The following SCN9A variants were observed in gnomAD, a reference collection of about 807,000 sequenced individuals.
SCN9A encodes the protein sodium channel protein type 9 subunit alpha.
A neutral mutation model predicts 187.0 loss-of-function variants in SCN9A; 131 were observed. The ratio of observed to expected loss-of-function variants is 0.70; its 90% confidence interval spans 0.61 to 0.81. The LOEUF (loss-of-function observed/expected upper bound fraction) is 0.81, where lower values mean the gene tolerates loss of function less well. Among genes scored for constraint, SCN9A ranks in the 30% least tolerant of loss-of-function variants. SCN9A has a pLI of 0.00. For synonymous variants in SCN9A, 809 were observed against 808.6 expected, an observed-to-expected ratio of 1.00 and a Z score of -0.01; for missense variants, 2,252 against 2,396.6, an observed-to-expected ratio of 0.94 and a Z score of 1.26.
intron 1 of SCN9A, among the ~76,000 whole-genome samples, chr2:166,340,951 T>C (rs1183466817): frequency 6.6e-6 from 1 of 152,154 alleles, no homozygotes; most frequent in Non-Finnish European, 1.5e-5. Flanking sequence ...TGTACAAATA[T>C]ATGCCAAGAA....
intron 19 of SCN9A, 33 bp from the exon 20 acceptor site, chr2:166,238,300 A>G: frequency 1.5e-6 from 2 of 1,362,022 alleles, no homozygotes; most frequent in Non-Finnish European, 2.0e-6. Context: ...TCAATCATGC[A>G]CAACTTAAGC....
chr2:166,332,505 A>G (rs916523158), intron 1 of SCN9A, among the ~76,000 whole-genome samples: 4 of 152,214 alleles, frequency 2.6e-5, no homozygotes, highest in Admixed American at 6.5e-5. Flanking sequence ...CTAAGTGATT[A>G]AAGCATTTCT....
At chr2:166,305,306 A>G (rs1309471946) in intron 5 of SCN9A, among the ~76,000 whole-genome samples, 2 of 152,118 alleles carry the variant, frequency 1.3e-5, no homozygotes, top group East Asian at 1.9e-4. Flanking sequence ...TGTATATATA[A>G]TGTGTATACA....
chr2:166,195,230 C>T lies in SCN9A; in HGVS notation c.*3442G>A, dbSNP rs1693212206. On this transcript the variant is annotated 3_prime_UTR_variant, in exon 27 of 27. Coordinates refer to ENST00000642356, the MANE Select transcript of SCN9A (RefSeq NM_001365536.1). ...ATTCTTAGATTATATTACAATGTGT[C>T]AGTCTCAAGTATAACTACAATATAA... 1 of 152,166 alleles carries T rather than the reference C, an allele frequency of 6.6e-6. No homozygotes were observed. The highest frequency in any genetic ancestry group is 6.5e-5 in the Admixed American group (1 of 15,288). The allele number at this position is 152,166 out of a possible 1,614,324, so 9.4% of individuals were successfully genotyped here.
intron 1 of SCN9A, among the ~76,000 whole-genome samples, chr2:166,366,019 T>A (rs1700406042): frequency 6.6e-6 from 1 of 152,176 alleles, no homozygotes; most frequent in African/African-American, 2.4e-5. Context: ...TGTGAGTTCT[T>A]GGAACTGGCC....
At chr2:166,246,993 T>G (rs1695816860) in intron 18 of SCN9A, among the ~76,000 whole-genome samples, 1 of 151,776 alleles carries the variant, frequency 6.6e-6, no homozygotes, top group African/African-American at 2.4e-5. Context: ...ACCTTCTCTT[T>G]AAAAGGACTA....
chr2:166,305,459 T>C (rs1698723233), intron 5 of SCN9A, among the ~76,000 whole-genome samples: 1 of 152,092 alleles, frequency 6.6e-6, no homozygotes, highest in African/African-American at 2.4e-5. Context: ...CCTGAGTTTT[T>C]TGTGTGCTTC....
chr2:166,361,993 A>G (rs1700297027), intron 1 of SCN9A, among the ~76,000 whole-genome samples: 1 of 152,098 alleles, frequency 6.6e-6, no homozygotes, highest in Admixed American at 6.6e-5. Context: ...CTTTAATTCA[A>G]TATCAAAATA....
chr2:166,357,276 T>C (rs1700172350), intron 1 of SCN9A, among the ~76,000 whole-genome samples: 1 of 152,294 alleles, frequency 6.6e-6, no homozygotes, highest in South Asian at 2.1e-4. Flanking sequence ...AATTGCTGAG[T>C]CATAATTGTA....
chr2:166,361,992 A>G (rs112347596), intron 1 of SCN9A, among the ~76,000 whole-genome samples: 2,145 of 152,200 alleles, frequency 0.014, 29 homozygotes, highest in Non-Finnish European at 0.025. Flanking sequence ...CCTTTAATTC[A>G]ATATCAAAAT....
In SCN9A at chr2:166,306,557, G is replaced by A; in HGVS notation, c.420C>T (p.Cys140=). The stretch of plus-strand genomic sequence containing the variant: ...GTGGGTTATTCATGGTCATAAATAT[G>A]CAGTTTGTCAGAATAGTGCACATGA... The part of the protein sequence containing the change: ...MLIMCTILTN[C]IFMTMNNPPD... Residue 140 remains cysteine, a synonymous_variant, in exon 4 of 27, where the codon TGC becomes TGT. Coordinates refer to ENST00000642356, the MANE Select transcript of SCN9A (RefSeq NM_001365536.1). The A allele has an allele frequency of 6.3e-7, 1 of 1,584,208 alleles. No homozygotes were observed. The highest frequency in any genetic ancestry group is 1.3e-5 in the African/African-American group (1 of 74,620).
intron 1 of SCN9A, among the ~76,000 whole-genome samples, chr2:166,349,064 T>C (rs942598175): frequency 2.0e-5 from 3 of 151,832 alleles, no homozygotes; most frequent in Non-Finnish European, 4.4e-5. Flanking sequence ...GGAGCGGAGA[T>C]TGCGGTGAGC....
At chr2:166,223,017 G>T (rs1160900330) in intron 24 of SCN9A, among the ~76,000 whole-genome samples, 1 of 102,516 alleles carries the variant, frequency 9.8e-6, no homozygotes, top group African/African-American at 3.6e-5. Context: ...TACCTGCTAG[G>T]ATGGCTATTA....
intron 21 of SCN9A, among the ~76,000 whole-genome samples, chr2:166,230,888 T>C (rs1207433134): frequency 1.3e-5 from 2 of 152,134 alleles, no homozygotes; most frequent in Non-Finnish European, 2.9e-5. Flanking sequence ...ATTGGTCTGA[T>C]GAGAAGCCAG....
chr2:166,373,752 T>C (rs1206405798), intron 1 of SCN9A, among the ~76,000 whole-genome samples: 1 of 152,172 alleles, frequency 6.6e-6, no homozygotes, highest in East Asian at 1.9e-4. Flanking sequence ...ATCTAGAATG[T>C]TCCATTTACA....
At chr2:166,339,126 C>A (rs1468128491) in intron 1 of SCN9A, among the ~76,000 whole-genome samples, 1 of 152,020 alleles carries the variant, frequency 6.6e-6, no homozygotes, top group Non-Finnish European at 1.5e-5. Flanking sequence ...GGTAAACTGT[C>A]CTTGTAATTA....
At chr2:166,206,673 G>A (rs1297885730) in intron 24 of SCN9A, among the ~76,000 whole-genome samples, 1 of 151,924 alleles carries the variant, frequency 6.6e-6, no homozygotes, top group East Asian at 1.9e-4. Flanking sequence ...AATAAAAAAA[G>A]AATAGGGGCT....
chr2:166,214,793 C>T (rs1198381935), intron 24 of SCN9A, among the ~76,000 whole-genome samples: 1 of 151,834 alleles, frequency 6.6e-6, no homozygotes. Flanking sequence ...GGATTACAGG[C>T]GTGAGCCACC....
rs192898322 is a variant in SCN9A at position 166,251,677 on chromosome 2, C to G, written c.3472+88G>C. The G allele has an allele frequency of 1.5e-5, 21 of 1,430,612 alleles. No individual in the cohort carries two copies. In the South Asian group the frequency reaches 2.0e-4, roughly 14 times the overall value. The allele number at this position is 1,430,612 out of a possible 1,614,324, so 88.6% of individuals were successfully genotyped here. ...CATGGAATGGAGTCTTCTGACTTAC[C>G]GACAACCTCTGGTAAGTATTAGGCG... On this transcript the variant is annotated intron_variant, in intron 18 of 26. Transcript: ENST00000642356.
Sources: allele counts gnomAD v4.1 joint callset (sites outside exome capture counted in the v4.1 genomes callset), GRCh38; gene constraint gnomAD v4.1.1; transcripts MANE v1.5; gene names NCBI Gene and HGNC (gene_info 2026-07-23, HGNC 2026-07-21).